SERTAD1: variants seen among roughly 807,000 people sequenced by gnomAD.
The protein encoded by SERTAD1 is SERTA domain-containing protein 1.
A neutral mutation model predicts 11.7 loss-of-function variants in SERTAD1; 5 were observed. The ratio of observed to expected loss-of-function variants is 0.43; its 90% CI spans 0.22 to 0.90. The LOEUF (loss-of-function observed/expected upper bound fraction) is 0.90. Ranked by LOEUF, SERTAD1 falls within the 40% of genes least tolerant of loss-of-function variation. The pLI is 0.27. For missense variants in SERTAD1, 287 were observed against 313.9 expected (o/e 0.91, Z 0.65); for synonymous variants, 139 against 141.4 (o/e 0.98, Z 0.12).
chr19:40,421,787 G>T lies in SERTAD1; in HGVS notation c.*1049C>A, dbSNP rs956561899. The T allele has an allele frequency of 6.6e-6, 1 of 151,544 alleles. No homozygotes were observed. The highest frequency in any genetic ancestry group is 1.5e-5 in the Non-Finnish European group (1 of 67,944). The allele number at this position is 151,544 out of a possible 1,614,324, so 9.4% of individuals were successfully genotyped here. ...TAAATACAGGTAGACTCCAGGCGAG[G>T]ACTTGCTTTCATTTTTAAAAAGTTG... On this transcript the variant is annotated 3_prime_UTR_variant, in exon 2 of 2. Coordinates refer to ENST00000357949, the MANE Select transcript of SERTAD1 (RefSeq NM_013376.4).
At chr19:40,423,924 A>G (rs1166061303) in intron 1 of SERTAD1, among the ~76,000 whole-genome samples, 1 of 152,088 alleles carries the variant, frequency 6.6e-6, no homozygotes, top group Non-Finnish European at 1.5e-5. Context: ...GCATGGTTTC[A>G]CCATGTTGGC....
Position 40,423,034 on chromosome 19 carries a change from C to T in SERTAD1, c.513G>A (p.Glu171=), listed in dbSNP as rs2079603868. 1 of 1,575,210 alleles carries T rather than the reference C, an allele frequency of 6.3e-7. No individual in the cohort carries two copies. Among genetic ancestry groups the T allele is most frequent in the African/African-American group, 1.3e-5 (1 of 74,148 alleles). The change falls in exon 2 of 2, where the codon GAG becomes GAA. Residue 171 remains glutamate (E), a synonymous_variant. Transcript: ENST00000357949. ...AGGTGTCAATATCCTCAAACAGGCC[C>T]TCAAGCCCATCGTCCAGTAGACAGC... ...ATGCLLDDGL[E]GLFEDIDTSM... is the part of the protein sequence containing the mutation.
At position 40,423,197 on chromosome 19, in the gene SERTAD1, C is replaced by T. The variant is rs868367130; in HGVS notation, c.350G>A (p.Ser117Asn). Reference protein sequence around the residue: ...SDAALSASMASLLEDLSHIEG... With the variant: ...SDAALSASMANLLEDLSHIEG... The stretch of plus-strand genomic sequence containing the variant: ...AATGTGGCTGAGGTCCTCCAGGAGG[C>T]TGGCCATGGAGGCTGAAAGGGCAGC... The change falls in exon 2 of 2, where the codon AGC (serine) becomes AAC (asparagine). Residue 117 changes from serine to asparagine, a missense_variant. Physicochemically the swap from Ser to Asn is conservative, Grantham distance 46 (BLOSUM62 1). Coordinates refer to ENST00000357949, the MANE Select transcript of SERTAD1 (RefSeq NM_013376.4). 1.2e-6 allele frequency: 2 copies of T among 1,600,418 alleles called. No individual in the cohort carries two copies. Among genetic ancestry groups the T allele is most frequent in the Non-Finnish European group, 1.7e-6 (2 of 1,171,970 alleles).
In SERTAD1 at chr19:40,423,637, G is replaced by A. The variant is rs1421010273; in HGVS notation, c.1-91C>T. 6 of 838,116 alleles carry A rather than the reference G, an allele frequency of 7.2e-6. No homozygotes were observed. In the Admixed American group the frequency reaches 1.6e-4, roughly 23 times the overall value. The allele number at this position is 838,116 out of a possible 1,614,324, so 51.9% of individuals were successfully genotyped here. A position where few individuals can be genotyped will look rare whatever the true frequency, so the allele number is the denominator to read the frequency against. On this transcript the variant is annotated intron_variant, in intron 1 of 1. Transcript: ENST00000357949. ...TGGATCTGACAGTTGCTGCAGGTAGGATCTTGGGGAAGTCACTTAACCTCT... is the reference window on the plus strand; with the variant it reads ...TGGATCTGACAGTTGCTGCAGGTAGAATCTTGGGGAAGTCACTTAACCTCT...
At position 40,423,521 on chromosome 19, in the gene SERTAD1, T is replaced by C. The variant is rs2079606546; in HGVS notation, c.26A>G (p.Lys9Arg). 3 of 1,607,454 alleles carry C rather than the reference T, an allele frequency of 1.9e-6. No homozygotes were observed. The highest frequency in any genetic ancestry group is 2.5e-6 in the Non-Finnish European group (3 of 1,177,500). MLSKGLKR[K>R]REEEEEKEPL... ...TTCCTTCTCCTCCTCCTCCTCCCGT[T>C]TCCGCTTCAGACCCTTGCTCAGCAT... The change falls in exon 2 of 2, where the codon AAA becomes AGA. Residue 9 changes from lysine to arginine, a missense_variant. By Grantham distance (26) the Lys-to-Arg change is conservative. Coordinates refer to ENST00000357949, the MANE Select transcript of SERTAD1 (RefSeq NM_013376.4).
rs200028938 is a variant in SERTAD1 at position 40,422,907 on chromosome 19, C to T, written c.640G>A (p.Glu214Lys). 17 of 1,613,178 alleles carry T rather than the reference C, an allele frequency of 1.1e-5. No individual in the cohort carries two copies. The highest frequency in any genetic ancestry group is 1.7e-4 in the Middle Eastern group (1 of 5,942). Residue 214 changes from glutamate (E) to lysine (K), a missense_variant, in exon 2 of 2, where the codon GAA becomes AAA. Coordinates refer to ENST00000357949, the MANE Select transcript of SERTAD1 (RefSeq NM_013376.4). ...AGCACATCCATGAGGTAGTCCAATT[C>T]GGCCTCGTCCAGCTCCGGAGCTTCC... is the stretch of plus-strand genomic sequence containing the variant. ...KEEAPELDEA[E>K]LDYLMDVLVG...
chr19:40,421,690 T>A lies in SERTAD1; in HGVS notation c.*1146A>T, dbSNP rs1487797259. On this transcript the variant is annotated 3_prime_UTR_variant, in exon 2 of 2. Coordinates refer to ENST00000357949, the MANE Select transcript of SERTAD1 (RefSeq NM_013376.4). ...GACTCTCAGGGCTCCTTGGAGAGGA[T>A]CTGTCCAGGGTCCAGGTTTTGTGTT... The A allele has an allele frequency of 6.6e-6, 1 of 152,224 alleles. No homozygotes were observed. Among genetic ancestry groups the A allele is most frequent in the Non-Finnish European group, 1.5e-5 (1 of 68,086 alleles). 9.4% of individuals were successfully genotyped at this position (152,224 alleles called of 1,614,324 possible).
chr19:40,422,017 T>C lies in SERTAD1; in HGVS notation c.*819A>G, dbSNP rs1278497806. 1.3e-5 allele frequency: 2 copies of C among 151,482 alleles called. No homozygotes were observed. Among genetic ancestry groups the C allele is most frequent in the African/African-American group, 4.9e-5 (2 of 41,202 alleles). 9.4% of individuals were successfully genotyped at this position (151,482 alleles called of 1,614,324 possible). A position where few individuals can be genotyped will look rare whatever the true frequency, so the allele number is the denominator to read the frequency against. On this transcript the variant is annotated 3_prime_UTR_variant, in exon 2 of 2. Coordinates refer to ENST00000357949, the MANE Select transcript of SERTAD1 (RefSeq NM_013376.4). ...TAAAAAATTAGTCGGTCCCAGCTAA[T>C]TGGGAGGCCGAGGCAGGAGAATCGT... is the stretch of plus-strand genomic sequence containing the variant.
Position 40,423,291 on chromosome 19 carries a change from C to T in SERTAD1, c.256G>A (p.Ala86Thr), listed in dbSNP as rs140122572. 237 of 1,607,502 alleles carry T rather than the reference C, an allele frequency of 1.5e-4. No homozygotes were observed. Among genetic ancestry groups the T allele is most frequent in the Non-Finnish European group, 1.9e-4 (226 of 1,176,844 alleles). ...GGTGGGCTAGGCACAGGTGGCAGGG[C>T]AGCCGCGGGTGCCATGGACGCCTGG... Reference protein sequence around the residue: ...RIQASMAPAAALPPVPSPPAA... With the variant: ...RIQASMAPAATLPPVPSPPAA... The change falls in exon 2 of 2, where the codon GCC becomes ACC. Residue 86 changes from alanine to threonine, a missense_variant. Physicochemically the swap from Ala to Thr is moderately conservative, Grantham distance 58. Transcript: ENST00000357949.
Position 40,422,655 on chromosome 19 carries a change from C to T in SERTAD1, c.*181G>A, listed in dbSNP as rs750226128. On this transcript the variant is annotated 3_prime_UTR_variant, in exon 2 of 2. Coordinates refer to ENST00000357949, the MANE Select transcript of SERTAD1 (RefSeq NM_013376.4). ...CATCACTAGGGGGTAATTCCAGGCT[C>T]CCCCTGCCAGCCCTGAGACAGGAGG... 1.1e-5 allele frequency: 7 copies of T among 642,006 alleles called. No individual in the cohort carries two copies. Among genetic ancestry groups the T allele is most frequent in the African/African-American group, 5.5e-5 (3 of 54,268 alleles). 39.8% of individuals were successfully genotyped at this position (642,006 alleles called of 1,614,324 possible). A position where few individuals can be genotyped will look rare whatever the true frequency, so the allele number is the denominator to read the frequency against.
intron 1 of SERTAD1, among the ~76,000 whole-genome samples, chr19:40,423,898 TA>T (rs2079607668): frequency 6.6e-6 from 1 of 152,090 alleles, no homozygotes. Flanking sequence ...GGCTAATTTT[TA>T]TATTTTTAGA....
intron 1 of SERTAD1, among the ~76,000 whole-genome samples, chr19:40,424,969 C>G (rs918756692): frequency 6.6e-6 from 1 of 152,082 alleles, no homozygotes; most frequent in Non-Finnish European, 1.5e-5. Flanking sequence ...CGGAAGATCC[C>G]CCCCATGGCT....
Position 40,423,306 on chromosome 19 carries a change from T to C in SERTAD1, c.241A>G (p.Met81Val). 1 of 1,609,344 alleles carries C rather than the reference T, an allele frequency of 6.2e-7. No individual in the cohort carries two copies. The highest frequency in any genetic ancestry group is 8.5e-7 in the Non-Finnish European group (1 of 1,177,698). Residue 81 changes from methionine (M) to valine (V), a missense_variant, in exon 2 of 2, where the codon ATG becomes GTG. Met to Val is a conservative substitution (Grantham distance 21). Coordinates refer to ENST00000357949, the MANE Select transcript of SERTAD1 (RefSeq NM_013376.4). ...GGTGGCAGGGCAGCCGCGGGTGCCA[T>C]GGACGCCTGGATGCGCCGCAGAGTG... ...VNTLRRIQAS[M>V]APAAALPPVP...
rs949742679 is a variant in SERTAD1 at position 40,423,311 on chromosome 19, G to A, written c.236C>T (p.Ala79Val). 4.1e-5 allele frequency: 66 copies of A among 1,609,362 alleles called. No individual in the cohort carries two copies. Among genetic ancestry groups the A allele is most frequent in the African/African-American group, 8.0e-5 (6 of 74,862 alleles). The change falls in exon 2 of 2, where the codon GCG becomes GTG. Residue 79 changes from alanine (A) to valine (V), a missense_variant. Transcript: ENST00000357949. ...LVVNTLRRIQ[A>V]SMAPAAALPP... Reference sequence around the variant, plus strand: ...CAGGGCAGCCGCGGGTGCCATGGACGCCTGGATGCGCCGCAGAGTGTTCAC... The same window carrying A: ...CAGGGCAGCCGCGGGTGCCATGGACACCTGGATGCGCCGCAGAGTGTTCAC...
chr19:40,423,176 T>TCA lies in SERTAD1; in HGVS notation c.370_371insTG (p.His124LeufsTer6). 1 of 1,600,740 alleles carries TCA rather than the reference T, an allele frequency of 6.2e-7. No individual in the cohort carries two copies. Among genetic ancestry groups the TCA allele is most frequent in the Non-Finnish European group, 8.5e-7 (1 of 1,172,508 alleles). On this transcript the variant is annotated frameshift_variant, in exon 2 of 2. Coordinates refer to ENST00000357949, the MANE Select transcript of SERTAD1 (RefSeq NM_013376.4). LOFTEE classifies it high-confidence loss of function. ...GGGAGCCTGACTCAGGCCCTCAATG[T>TCA]GGCTGAGGTCCTCCAGGAGGCTGGC...
At position 40,422,683 on chromosome 19, in the gene SERTAD1, G is replaced by A. The variant is rs565488211; in HGVS notation, c.*153C>T. 4.0e-5 allele frequency: 31 copies of A among 767,308 alleles called. No homozygotes were observed. The highest frequency in any genetic ancestry group is 2.2e-4 in the East Asian group (8 of 35,658). The allele number at this position is 767,308 out of a possible 1,614,324, so 47.5% of individuals were successfully genotyped here. A position where few individuals can be genotyped will look rare whatever the true frequency, so the allele number is the denominator to read the frequency against. On this transcript the variant is annotated 3_prime_UTR_variant, in exon 2 of 2. Transcript: ENST00000357949. ...CCTGCCAGCCCTGAGACAGGAGGACGGATGTGAAGTTGCCCAGGACTAGAT... is the reference window on the plus strand; with the variant it reads ...CCTGCCAGCCCTGAGACAGGAGGACAGATGTGAAGTTGCCCAGGACTAGAT...
chr19:40,423,155 G>C lies in SERTAD1; in HGVS notation c.392C>G (p.Ala131Gly), dbSNP rs772101025. The change falls in exon 2 of 2, where the codon GCT becomes GGT. Residue 131 changes from alanine (A) to glycine (G), a missense_variant. Transcript: ENST00000357949. Reference sequence around the variant, plus strand: ...CCCCTCGTCTGCCAAGGGTTGGGGAGCCTGACTCAGGCCCTCAATGTGGCT... The same window carrying C: ...CCCCTCGTCTGCCAAGGGTTGGGGACCCTGACTCAGGCCCTCAATGTGGCT... ...DLSHIEGLSQ[A>G]PQPLADEGPP... The C allele has an allele frequency of 1.9e-6, 3 of 1,603,030 alleles. No individual in the cohort carries two copies. The highest frequency in any genetic ancestry group is 2.7e-5 in the African/African-American group (2 of 74,792).
Position 40,422,811 on chromosome 19 carries a change from C to T in SERTAD1, c.*25G>A. Reference sequence around the variant, plus strand: ...CAGCCAGCAGGCTCAGTTCAGATACCAGACAACCATTCCAGCACGAGGGCT... The same window carrying T: ...CAGCCAGCAGGCTCAGTTCAGATACTAGACAACCATTCCAGCACGAGGGCT... On this transcript the variant is annotated 3_prime_UTR_variant, in exon 2 of 2. Coordinates refer to ENST00000357949, the MANE Select transcript of SERTAD1 (RefSeq NM_013376.4). The T allele has an allele frequency of 6.4e-7, 1 of 1,563,168 alleles. No homozygotes were observed. Among genetic ancestry groups the T allele is most frequent in the Non-Finnish European group, 8.7e-7 (1 of 1,153,826 alleles).
At position 40,423,200 on chromosome 19, in the gene SERTAD1, G is replaced by A. The variant is rs777118791; in HGVS notation, c.347C>T (p.Ala116Val). Residue 116 changes from alanine to valine, a missense_variant, in exon 2 of 2, where the codon GCC becomes GTC. Coordinates refer to ENST00000357949, the MANE Select transcript of SERTAD1 (RefSeq NM_013376.4). ...GTGGCTGAGGTCCTCCAGGAGGCTG[G>A]CCATGGAGGCTGAAAGGGCAGCGTC... is the stretch of plus-strand genomic sequence containing the variant. ...SSDAALSASM[A>V]SLLEDLSHIE... The A allele has an allele frequency of 4.4e-6, 7 of 1,600,586 alleles. No homozygotes were observed. In the South Asian group the frequency reaches 4.5e-5, roughly 10 times the overall value.
Sources: allele counts gnomAD v4.1 joint callset (sites outside exome capture counted in the v4.1 genomes callset), GRCh38; gene constraint gnomAD v4.1.1; transcripts MANE v1.5; gene names NCBI Gene and HGNC (gene_info 2026-07-23, HGNC 2026-07-21).